Variants in MAP3K13 observed in about 807,000 individuals in gnomAD.
MAP3K13 encodes mitogen-activated protein kinase kinase kinase 13, also known as leucine zipper-bearing kinase.
A neutral mutation model predicts 104.0 loss-of-function variants in MAP3K13; 52 were observed. The ratio of observed to expected loss-of-function variants is 0.50; its 90% confidence interval spans 0.40 to 0.63. The LOEUF is 0.63. Ranked by LOEUF, MAP3K13 falls within the 20% of genes least tolerant of loss-of-function variation. The pLI, the probability that MAP3K13 is intolerant of heterozygous loss-of-function variation, is 0.00. For missense variants in MAP3K13, 914 were observed against 1,218.5 expected (o/e 0.75, Z 3.72); for synonymous variants, 394 against 442.2 (o/e 0.89, Z 1.37).
rs568082559 is a variant in MAP3K13, at chr3:185,372,727, CTATT to C, written c.-86+9362_-86+9365del. Among the ~76,000 whole-genome samples, 42 of 152,228 alleles carry C rather than the reference CTATT, an allele frequency of 2.8e-4. 1 individual carries two copies. The highest frequency in any genetic ancestry group is 7.9e-4 in the African/African-American group (33 of 41,536). On this transcript the variant is annotated intron_variant, in intron 1 of 13. Transcript: ENST00000265026. ...ACAGCCCTTATCTTTTTTCTGCTAA[CTATT>C]TAATAGGCTATGGAATGGCTTTAAA...
At chr3:185,441,861 G>C (rs148171318) in intron 3 of MAP3K13, among the ~76,000 whole-genome samples, 178 of 152,166 alleles carry the variant, frequency 1.2e-3, no homozygotes, top group African/African-American at 4.1e-3. Flanking sequence ...GACCAATATG[G>C]TGAAACCCTG....
intron 2 of MAP3K13, among the ~76,000 whole-genome samples, chr3:185,302,572 AT>A (rs1721146217): frequency 6.6e-6 from 1 of 151,830 alleles, no homozygotes; most frequent in African/African-American, 2.4e-5. Flanking sequence ...TTTATTCCTA[AT>A]TATTTTATTC....
chr3:185,409,699 G>A (rs937749789), intron 1 of MAP3K13, among the ~76,000 whole-genome samples: 1 of 152,096 alleles, frequency 6.6e-6, no homozygotes, highest in Admixed American at 6.5e-5. Context: ...TTTATTGCAG[G>A]ACTATTCATG....
At chr3:185,386,282 A>G (rs529879894) in intron 1 of MAP3K13, among the ~76,000 whole-genome samples, 46 of 152,348 alleles carry the variant, frequency 3.0e-4, no homozygotes, top group African/African-American at 9.9e-4. Flanking sequence ...TCAAAAGAAG[A>G]CATACATGTG....
In MAP3K13 at chr3:185,482,484, G is replaced by A. The variant is rs767419065; in HGVS notation, c.*28G>A. The A allele has an allele frequency of 1.2e-5, 18 of 1,525,180 alleles. No homozygotes were observed. The Middle Eastern group carries it at 5.1e-4, about 43-fold the overall frequency. 94.5% of individuals were successfully genotyped at this position (1,525,180 alleles called of 1,614,324 possible). ...AAGGAATACACATCCTGAAGATCTC[G>A]TGACTATACTGGCATTTCAGATCCA... On this transcript the variant is annotated 3_prime_UTR_variant, in exon 14 of 14. Coordinates refer to ENST00000265026, the MANE Select transcript of MAP3K13 (RefSeq NM_004721.5). This position sits in a 1 kb window ranked among gnomAD's most constrained non-coding sequence, Gnocchi z 4.5.
At chr3:185,424,570 G>A (rs1042196191) in intron 1 of MAP3K13, among the ~76,000 whole-genome samples, 1 of 152,202 alleles carries the variant, frequency 6.6e-6, no homozygotes, top group South Asian at 2.1e-4. Context: ...AACTTTGCAA[G>A]CAAGTTGTTA....
At chr3:185,439,778 C>G (rs1170530004) in intron 3 of MAP3K13, among the ~76,000 whole-genome samples, 2 of 152,220 alleles carry the variant, frequency 1.3e-5, no homozygotes, top group East Asian at 3.9e-4. Context: ...CCTTCTGACT[C>G]TCCTACCTGC....
chr3:185,433,911 T>C (rs1000522594), intron 2 of MAP3K13, among the ~76,000 whole-genome samples: 25 of 152,184 alleles, frequency 1.6e-4, no homozygotes, highest in South Asian at 1.4e-3. Context: ...ACAATGTAAG[T>C]ATCCTAAAGC....
At chr3:185,304,707 C>G (rs1366060363) in intron 2 of MAP3K13, among the ~76,000 whole-genome samples, 2 of 152,058 alleles carry the variant, frequency 1.3e-5, no homozygotes, top group Admixed American at 1.3e-4. Flanking sequence ...GATCTTGGCT[C>G]AGTGCAACCT....
At position 185,288,945 on chromosome 3, in the gene MAP3K13, T is replaced by G. The variant is rs1292943292; in HGVS notation, c.-86+3302T>G. 5.9e-5 allele frequency among the ~76,000 whole-genome samples: 9 copies of G among 152,306 alleles called. No individual in the cohort carries two copies. The East Asian group carries it at 1.7e-3, about 29-fold the overall frequency. On this transcript the variant is annotated intron_variant, in intron 2 of 14. Coordinates refer to the MAP3K13 transcript ENST00000424227. ...ATTAACCAAGATTAAACAGATCACT[T>G]TAACCTGTAAAACATTAATACACAA...
chr3:185,408,335 G>A (rs1049858430), intron 1 of MAP3K13, among the ~76,000 whole-genome samples: 3 of 152,146 alleles, frequency 2.0e-5, no homozygotes, highest in African/African-American at 7.2e-5. Flanking sequence ...CCCTTGGGAG[G>A]CTGAGGCGGG....
At chr3:185,293,170 T>C (rs1418455529) in intron 2 of MAP3K13, 1 of 431,208 alleles carries the variant, frequency 2.3e-6, no homozygotes, top group Non-Finnish European at 3.1e-6. Flanking sequence ...CAGGCTGGAG[T>C]GTAGTGGCGC....
At chr3:185,402,283 T>C (rs1048574063) in intron 1 of MAP3K13, among the ~76,000 whole-genome samples, 1 of 152,228 alleles carries the variant, frequency 6.6e-6, no homozygotes, top group Non-Finnish European at 1.5e-5. Context: ...AAATTATTAT[T>C]CATGGTAGTA....
Position 185,482,350 on chromosome 3 carries a change from T to G in MAP3K13, c.2800-5T>G. The G allele has an allele frequency of 6.2e-7, 1 of 1,609,488 alleles. No homozygotes were observed. The highest frequency in any genetic ancestry group is 1.1e-5 in the South Asian group (1 of 90,950). On this transcript the variant is annotated splice_polypyrimidine_tract_variant and splice_region_variant and intron_variant, in intron 13 of 13. Transcript: ENST00000265026. The surrounding 1 kb of genome is among the most constrained non-coding windows in gnomAD (Gnocchi z 4.5). ...ATGAATTAAGGTTTTGTCTTGCCTT[T>G]GCAGAACCCCATGCAGTTTGAAGAA... is the stretch of plus-strand genomic sequence containing the variant.
chr3:185,331,239 A>T (rs759236902), intron 2 of MAP3K13, among the ~76,000 whole-genome samples: 1 of 151,508 alleles, frequency 6.6e-6, no homozygotes, highest in Non-Finnish European at 1.5e-5. Flanking sequence ...GATTACAGAC[A>T]TGCGCCACCA....
intron 5 of MAP3K13, 37 bp downstream of exon 5, chr3:185,447,984 T>C: frequency 6.3e-7 from 1 of 1,582,974 alleles, no homozygotes; most frequent in Non-Finnish European, 8.6e-7. Context: ...CTAAAAAGCC[T>C]TTTCCCACTT....
At chr3:185,336,541 C>CA (rs1357841912) in intron 2 of MAP3K13, among the ~76,000 whole-genome samples, 2,585 of 77,550 alleles carry the variant, frequency 0.033, 53 homozygotes, top group African/African-American at 0.091. Flanking sequence ...GACTCTGTCT[C>CA]AAAAAAAAAA....
chr3:185,365,529 G>A (rs767707568), intron 1 of MAP3K13, among the ~76,000 whole-genome samples: 3 of 152,274 alleles, frequency 2.0e-5, no homozygotes, highest in Admixed American at 6.5e-5. Context: ...CTTTCTGTGT[G>A]CTTCAGCTGA....
intron 7 of MAP3K13, among the ~76,000 whole-genome samples, chr3:185,459,511 G>T (rs1438375902): frequency 6.6e-6 from 1 of 152,040 alleles, no homozygotes; most frequent in Non-Finnish European, 1.5e-5. Context: ...GCAGTGGTGT[G>T]ATCTCAGCCC....
Sources: gnomAD v4.1 joint callset for allele counts (sites outside exome capture counted in the v4.1 genomes callset) on GRCh38, gnomAD v4.1.1 for gene constraint, Gnocchi (gnomAD v3.1) non-coding constraint, MANE v1.5 for transcripts, NCBI Gene and HGNC (gene_info 2026-07-23, HGNC 2026-07-21) for gene names.